Variants in SPOPL observed in about 807,000 individuals in gnomAD.
SPOPL encodes speckle type BTB/POZ protein like.
In SPOPL, 23 loss-of-function variants were observed where a neutral mutation model predicts 53.8. That is an observed-to-expected ratio of 0.43 (90% confidence interval 0.31 to 0.61). The LOEUF is 0.61. Among genes scored for constraint, SPOPL ranks in the 20% least tolerant of loss-of-function variants. The pLI is 0.12. For synonymous variants in SPOPL, 164 were observed against 149.7 expected (o/e 1.10, Z -0.70); for missense variants, 442 against 466.9 (o/e 0.95, Z 0.49).
intron 1 of SPOPL, among the ~76,000 whole-genome samples, chr2:138,513,594 T>C (rs1339684794): frequency 6.6e-6 from 1 of 151,688 alleles, no homozygotes; most frequent in Non-Finnish European, 1.5e-5. Context: ...ATTAGCCACA[T>C]GTTGGTGTTG....
rs754294694 is a variant in SPOPL, at chr2:138,559,348, C to G, written c.714+11C>G. ...GAAGAAAGCAAAAAGGTAAACATGG[C>G]TTAAAGGCTAATATTGAATTTATAT... is the stretch of plus-strand genomic sequence containing the variant. On this transcript the variant is annotated intron_variant, in intron 7 of 10. Coordinates refer to ENST00000280098, the MANE Select transcript of SPOPL (RefSeq NM_001001664.3). The G allele has an allele frequency of 2.5e-6, 4 of 1,603,108 alleles. No homozygotes were observed. In the Admixed American group the frequency reaches 6.9e-5, roughly 28 times the overall value.
intron 1 of SPOPL, among the ~76,000 whole-genome samples, chr2:138,534,645 A>G (rs1003522680): frequency 6.6e-6 from 1 of 152,124 alleles, no homozygotes; most frequent in African/African-American, 2.4e-5. Flanking sequence ...TTACTTTTTT[A>G]AAAAGTACAG....
At position 138,570,552 on chromosome 2, in the gene SPOPL, G is replaced by A. The variant is rs1205356128; in HGVS notation, c.*1472G>A. ...ACCACATCTGACTTACTGTGGTGGT[G>A]ACCAGTGTGCTTCTTAAGGGCAAGA... is the stretch of plus-strand genomic sequence containing the variant. On this transcript the variant is annotated 3_prime_UTR_variant, in exon 11 of 11. Transcript: ENST00000280098. The A allele has an allele frequency of 6.6e-6, 1 of 152,148 alleles. No homozygotes were observed. The highest frequency in any genetic ancestry group is 1.5e-5 in the Non-Finnish European group (1 of 68,020). 9.4% of individuals were successfully genotyped at this position (152,148 alleles called of 1,614,324 possible).
In SPOPL at chr2:138,530,922, A is replaced by AGAGT. The variant is rs1553469244; in HGVS notation, c.-60-19234_-60-19233insAGTG. 2.4e-4 allele frequency among the ~76,000 whole-genome samples: 35 copies of AGAGT among 148,058 alleles called. No individual in the cohort carries two copies. In the Middle Eastern group the frequency reaches 0.021, roughly 90 times the overall value. On this transcript the variant is annotated intron_variant, in intron 1 of 10. Transcript: ENST00000280098. ...CTCAGGGAAACCTTACTGTAGAGTG[A>AGAGT]GTGTGTGTGTGTGTGTGTGTGTGTG...
chr2:138,538,953 G>T (rs1044976570), intron 1 of SPOPL, among the ~76,000 whole-genome samples: 1 of 151,978 alleles, frequency 6.6e-6, no homozygotes, highest in Non-Finnish European at 1.5e-5. Flanking sequence ...CTGTGTTCGT[G>T]TGTTCTCATT....
At chr2:138,507,549 G>A (rs1684240915) in intron 1 of SPOPL, among the ~76,000 whole-genome samples, 1 of 152,206 alleles carries the variant, frequency 6.6e-6, no homozygotes, top group Admixed American at 6.5e-5. Flanking sequence ...GTTTCTGAAA[G>A]TCAAGTTACA....
At chr2:138,508,919 G>T (rs115909702) in intron 1 of SPOPL, among the ~76,000 whole-genome samples, 1 of 151,806 alleles carries the variant, frequency 6.6e-6, no homozygotes, top group Admixed American at 6.6e-5. Flanking sequence ...TTTTAGAGGC[G>T]TTTTATCTTT....
intron 1 of SPOPL, among the ~76,000 whole-genome samples, chr2:138,537,255 G>A (rs140238918): frequency 2.5e-4 from 38 of 152,106 alleles, no homozygotes; most frequent in Non-Finnish European, 4.4e-4. Flanking sequence ...TCAAACAACC[G>A]AGCTCCCTGA....
intron 7 of SPOPL, among the ~76,000 whole-genome samples, chr2:138,559,679 ATT>A (rs1685503745): frequency 1.3e-5 from 2 of 152,156 alleles, no homozygotes; most frequent in Non-Finnish European, 2.9e-5. Flanking sequence ...GACTTTATGG[ATT>A]GATTTTTGGA....
Position 138,572,213 on chromosome 2 carries a change from G to A in SPOPL, c.*3133G>A, listed in dbSNP as rs1331053032. 1 of 152,544 alleles carries A rather than the reference G, an allele frequency of 6.6e-6. No individual in the cohort carries two copies. Among genetic ancestry groups the A allele is most frequent in the Admixed American group, 6.6e-5 (1 of 15,248 alleles). 9.4% of individuals were successfully genotyped at this position (152,544 alleles called of 1,614,324 possible). ...AGAGGAAATGATAATTTTCAAAAATGTGATCAATTTACTGCATGATGAAAT... is the reference window on the plus strand; with the variant it reads ...AGAGGAAATGATAATTTTCAAAAATATGATCAATTTACTGCATGATGAAAT... On this transcript the variant is annotated 3_prime_UTR_variant, in exon 11 of 11. Transcript: ENST00000280098.
chr2:138,558,392 C>T (rs1685473539), intron 5 of SPOPL, among the ~76,000 whole-genome samples: 1 of 151,994 alleles, frequency 6.6e-6, no homozygotes, highest in Non-Finnish European at 1.5e-5. Flanking sequence ...GTTGATCTTC[C>T]ATAAAAGATT....
intron 2 of SPOPL, 57 bp downstream of exon 2, chr2:138,550,351 G>C: frequency 6.2e-7 from 1 of 1,603,560 alleles, no homozygotes; most frequent in Admixed American, 1.7e-5. Flanking sequence ...ACAGTATGTT[G>C]AGAATAGTAT....
chr2:138,547,366 T>G (rs755774360), intron 1 of SPOPL, among the ~76,000 whole-genome samples: 1 of 152,242 alleles, frequency 6.6e-6, no homozygotes, highest in Non-Finnish European at 1.5e-5. Context: ...ATAATAACTC[T>G]TCTAGAGATA....
chr2:138,557,980 G>A (rs1573905881), intron 5 of SPOPL, among the ~76,000 whole-genome samples: 1 of 152,034 alleles, frequency 6.6e-6, no homozygotes, highest in Non-Finnish European at 1.5e-5. Context: ...CCAACATGGT[G>A]AAATGCCTTC....
Position 138,550,208 on chromosome 2 carries a change from A to G in SPOPL, c.-9A>G. On this transcript the variant is annotated 5_prime_UTR_variant, in exon 2 of 11. In the 5' UTR this introduces an upstream ATG that the reference lacks. Transcript: ENST00000280098. ...TACATAAATCCTGAAAGACTACAAT[A>G]AAGTGGTGATGTCTCGGGAACCCAC... 6.2e-7 allele frequency: 1 copy of G among 1,612,950 alleles called. No homozygotes were observed. The highest frequency in any genetic ancestry group is 8.5e-7 in the Non-Finnish European group (1 of 1,179,210).
At chr2:138,550,408 C>T in intron 2 of SPOPL, 75 bp from the exon 3 acceptor site, 7 of 1,581,148 alleles carry the variant, frequency 4.4e-6, no homozygotes, top group South Asian at 2.2e-5. Flanking sequence ...AAGACTGGAT[C>T]GTAGGATGTT....
chr2:138,509,595 A>G (rs1684286527), intron 1 of SPOPL, among the ~76,000 whole-genome samples: 1 of 152,126 alleles, frequency 6.6e-6, no homozygotes, highest in Non-Finnish European at 1.5e-5. Flanking sequence ...ATTTTTTAAA[A>G]AAATAGATTT....
intron 8 of SPOPL, among the ~76,000 whole-genome samples, chr2:138,563,910 C>T (rs1685604651): frequency 1.3e-5 from 2 of 152,116 alleles, no homozygotes; most frequent in African/African-American, 2.4e-5. Context: ...TGTTGTATAT[C>T]TATGTATGAT....
At chr2:138,538,448 A>G (rs1168203014) in intron 1 of SPOPL, among the ~76,000 whole-genome samples, 12 of 152,148 alleles carry the variant, frequency 7.9e-5, no homozygotes, top group Admixed American at 7.9e-4. Context: ...TTATCAATAG[A>G]TAATATCCTT....
Sources: allele counts gnomAD v4.1 joint callset (sites outside exome capture counted in the v4.1 genomes callset), GRCh38; gene constraint gnomAD v4.1.1; transcripts MANE v1.5; gene names NCBI Gene and HGNC (gene_info 2026-07-23, HGNC 2026-07-21).